The following CACNG3 variants were observed in gnomAD, a reference collection of about 807,000 sequenced individuals.
The protein encoded by CACNG3 is calcium voltage-gated channel auxiliary subunit gamma 3.
A neutral mutation model predicts 28.5 loss-of-function variants in CACNG3; 3 were observed. That is an observed-to-expected ratio of 0.11 (90% CI 0.05 to 0.27). CACNG3 has a LOEUF of 0.27. CACNG3 is among the 10% of genes least tolerant of loss of function. The pLI, the probability that CACNG3 is intolerant of heterozygous loss-of-function variation, is 1.00. For missense variants in CACNG3, 236 were observed against 414.4 expected (o/e 0.57, Z 3.74); for synonymous variants, 174 against 162.2 (o/e 1.07, Z -0.55).
chr16:24,351,660 A>G (rs1899944126), intron 2 of CACNG3, among the ~76,000 whole-genome samples: 1 of 104,500 alleles, frequency 9.6e-6, no homozygotes, highest in African/African-American at 4.7e-5. Context: ...GGAAAGACAG[A>G]CGAAAGAAAG....
At chr16:24,338,468 C>T (rs555718915) in intron 1 of CACNG3, among the ~76,000 whole-genome samples, 9 of 152,228 alleles carry the variant, frequency 5.9e-5, no homozygotes, top group South Asian at 2.1e-4. Flanking sequence ...CTCAGCCTCC[C>T]GAGTAGCTGG....
chr16:24,349,707 G>T (rs897749421), intron 2 of CACNG3, among the ~76,000 whole-genome samples: 2 of 152,136 alleles, frequency 1.3e-5, no homozygotes, highest in Non-Finnish European at 2.9e-5. Flanking sequence ...TGGTTTTGGC[G>T]GGTTTGGGCT....
intron 1 of CACNG3, among the ~76,000 whole-genome samples, chr16:24,284,824 C>T (rs918966595): frequency 6.6e-6 from 1 of 152,104 alleles, no homozygotes; most frequent in Admixed American, 6.5e-5. Context: ...AGTCACTAGA[C>T]CTCGCAGATA....
intron 1 of CACNG3, among the ~76,000 whole-genome samples, chr16:24,334,127 T>A (rs912412979): frequency 3.9e-5 from 6 of 152,218 alleles, no homozygotes; most frequent in Admixed American, 3.9e-4. Flanking sequence ...TCTTCCTTCC[T>A]GATATCATAA....
chr16:24,351,851 T>G (rs1303762398), intron 2 of CACNG3, among the ~76,000 whole-genome samples: 1 of 101,766 alleles, frequency 9.8e-6, no homozygotes, highest in African/African-American at 3.9e-5. Flanking sequence ...TTTTTTTTTT[T>G]TGAGACAGAA....
At chr16:24,354,428 G>A (rs988007316) in intron 2 of CACNG3, among the ~76,000 whole-genome samples, 2 of 151,990 alleles carry the variant, frequency 1.3e-5, no homozygotes, top group African/African-American at 4.8e-5. Flanking sequence ...AGTAGTCGCT[G>A]GGCTGAGGAG....
intron 1 of CACNG3, among the ~76,000 whole-genome samples, chr16:24,269,746 C>CAAAAAAAAAAAAAAAAAAAAAAGAAAAA (rs1163565728): frequency 1.4e-5 from 1 of 71,080 alleles, no homozygotes; most frequent in Non-Finnish European, 2.9e-5. Context: ...GACTCCATCT[C>CAAAAAAAAAAAAAAAAAAAAAAGAAAAA]AAAAAAAAAA....
intron 1 of CACNG3, among the ~76,000 whole-genome samples, chr16:24,302,485 T>G (rs766305092): frequency 6.6e-6 from 1 of 152,078 alleles, no homozygotes; most frequent in African/African-American, 2.4e-5. Flanking sequence ...GATGGAGTCT[T>G]GCTCTGTTGC....
chr16:24,343,913 C>A (rs1194257712), intron 1 of CACNG3, among the ~76,000 whole-genome samples: 31 of 151,884 alleles, frequency 2.0e-4, no homozygotes, highest in Non-Finnish European at 1.5e-5. Flanking sequence ...CACAGTGAAA[C>A]CCCGTCTCTA....
intron 1 of CACNG3, among the ~76,000 whole-genome samples, chr16:24,317,325 T>G (rs1899365559): frequency 6.6e-6 from 1 of 151,890 alleles, no homozygotes; most frequent in African/African-American, 2.4e-5. Context: ...GCGGATCACT[T>G]AAGGTCAGGA....
intron 1 of CACNG3, among the ~76,000 whole-genome samples, chr16:24,344,038 T>C (rs1425060906): frequency 1.3e-5 from 2 of 152,038 alleles, no homozygotes; most frequent in Non-Finnish European, 2.9e-5. Context: ...CAAGATTGCG[T>C]CACTGCACTC....
chr16:24,305,294 A>ATG (rs1288778379), intron 1 of CACNG3, among the ~76,000 whole-genome samples: 10 of 151,474 alleles, frequency 6.6e-5, no homozygotes, highest in African/African-American at 2.4e-4. Context: ...AAGTATATAT[A>ATG]TATATACAAA....
chr16:24,310,914 A>G (rs559983394), intron 1 of CACNG3, among the ~76,000 whole-genome samples: 147 of 152,304 alleles, frequency 9.7e-4, no homozygotes, highest in Non-Finnish European at 1.5e-3. Context: ...CAGTATGCAC[A>G]AATTGGCTCC....
intron 1 of CACNG3, among the ~76,000 whole-genome samples, chr16:24,342,612 T>A (rs968886125): frequency 6.6e-6 from 1 of 152,218 alleles, no homozygotes; most frequent in Admixed American, 6.5e-5. Flanking sequence ...CTGAACTCTG[T>A]TATAGTGGCA....
At chr16:24,281,602 G>A (rs748950775) in intron 1 of CACNG3, among the ~76,000 whole-genome samples, 3 of 152,158 alleles carry the variant, frequency 2.0e-5, no homozygotes, top group Non-Finnish European at 1.5e-5. Context: ...TAGGTCATAT[G>A]TCCATTATTG....
intron 3 of CACNG3, among the ~76,000 whole-genome samples, chr16:24,359,704 A>G (rs1191717735): frequency 1.3e-5 from 2 of 152,098 alleles, no homozygotes; most frequent in African/African-American, 2.4e-5. Flanking sequence ...TCTAAAAAAA[A>G]AAAATTAACT....
At chr16:24,352,521 T>G (rs113185548) in intron 2 of CACNG3, among the ~76,000 whole-genome samples, 10 of 102,222 alleles carry the variant, frequency 9.8e-5, no homozygotes, top group South Asian at 3.8e-4. Flanking sequence ...TGGGGTTTTT[T>G]TTGTTGTTGT....
At chr16:24,320,674 G>T (rs748930973) in intron 1 of CACNG3, among the ~76,000 whole-genome samples, 43 of 152,126 alleles carry the variant, frequency 2.8e-4, no homozygotes, top group Non-Finnish European at 5.6e-4. Context: ...GGTCAACTAA[G>T]TTTCGAAAAT....
intron 1 of CACNG3, among the ~76,000 whole-genome samples, chr16:24,301,835 A>G (rs1899116320): frequency 6.6e-6 from 1 of 152,120 alleles, no homozygotes; most frequent in Non-Finnish European, 1.5e-5. Flanking sequence ...ATTAAAGATC[A>G]TTTTCTTACA....
Sources: gnomAD v4.1 joint callset for allele counts (sites outside exome capture counted in the v4.1 genomes callset) on GRCh38, gnomAD v4.1.1 for gene constraint, MANE v1.5 for transcripts, NCBI Gene and HGNC (gene_info 2026-07-23, HGNC 2026-07-21) for gene names.